The following PCDHA1 variants were observed in gnomAD, a reference collection of about 807,000 sequenced individuals.
The protein encoded by PCDHA1 is protocadherin alpha 1, also known as protocadherin alpha-1.
PCDHA1 carries 42 observed loss-of-function variants against 61.3 expected under a neutral mutation model. The ratio of observed to expected loss-of-function variants is 0.69; its 90% confidence interval spans 0.54 to 0.89. The LOEUF (loss-of-function observed/expected upper bound fraction) is 0.89, where lower values mean the gene tolerates loss of function less well. Among genes scored for constraint, PCDHA1 ranks in the 40% least tolerant of loss-of-function variants. PCDHA1 has a pLI of 0.00. For synonymous variants in PCDHA1, 610 were observed against 553.8 expected, an observed-to-expected ratio of 1.10 and a Z score of -1.43; for missense variants, 1,256 against 1,235.3, an observed-to-expected ratio of 1.02 and a Z score of -0.25.
chr5:140,807,783 C>T (rs782393420), intron 1 of PCDHA1: 10 of 1,614,144 alleles, frequency 6.2e-6, no homozygotes, highest in Non-Finnish European at 7.6e-6. Context: ...TTACGGAAAT[C>T]TTTAGACAGA....
chr5:140,967,391 C>T, intron 1 of PCDHA1: 1 of 1,609,676 alleles, frequency 6.2e-7, no homozygotes, highest in South Asian at 1.1e-5. Flanking sequence ...AGTGCTTGAG[C>T]TGGTGCTGCG....
At chr5:140,795,256 C>A (rs1336988369) in intron 1 of PCDHA1, 14 of 1,614,190 alleles carry the variant, frequency 8.7e-6, no homozygotes, top group Non-Finnish European at 1.2e-5. Context: ...GCTGTGCGGG[C>A]GGAGCGCGGA....
At chr5:140,960,186 G>A (rs2153724328) in intron 1 of PCDHA1, among the ~76,000 whole-genome samples, 1 of 152,260 alleles carries the variant, frequency 6.6e-6, no homozygotes, top group East Asian at 1.9e-4. Flanking sequence ...GGGGTTGCAT[G>A]TGTAGTGGTC....
intron 1 of PCDHA1, chr5:140,809,092 T>A: frequency 6.2e-7 from 1 of 1,613,942 alleles, no homozygotes; most frequent in South Asian, 1.1e-5. Flanking sequence ...GCACAACGCG[T>A]GCCCTGGACG....
At chr5:140,850,689 T>C in intron 1 of PCDHA1, 4 of 1,594,932 alleles carry the variant, frequency 2.5e-6, no homozygotes, top group South Asian at 1.1e-5. Flanking sequence ...CGAGGGCGAG[T>C]GCGCGCCTGG....
rs1322777523 is a variant in PCDHA1 at position 140,961,683 on chromosome 5, A to G, written c.2395-17266A>G. Among the ~76,000 whole-genome samples, 6 of 152,224 alleles carry G rather than the reference A, an allele frequency of 3.9e-5. No homozygotes were observed. The East Asian group carries it at 1.2e-3, about 29-fold the overall frequency. ...AGTTACCAGTTTTTAATTAAGCCGGAGTAGTCCTTAGTATGAATGCCTTCA... is the reference window on the plus strand; with the variant it reads ...AGTTACCAGTTTTTAATTAAGCCGGGGTAGTCCTTAGTATGAATGCCTTCA... On this transcript the variant is annotated intron_variant, in intron 1 of 3. Transcript: ENST00000504120.
intron 1 of PCDHA1, among the ~76,000 whole-genome samples, chr5:140,826,731 T>C (rs1236287706): frequency 6.6e-6 from 1 of 152,180 alleles, no homozygotes; most frequent in Non-Finnish European, 1.5e-5. Flanking sequence ...GAGCAAGTGG[T>C]CTATATTGTC....
intron 3 of PCDHA1, among the ~76,000 whole-genome samples, chr5:140,995,409 A>G (rs1056120944): frequency 2.6e-4 from 39 of 152,210 alleles, no homozygotes; most frequent in Admixed American, 6.5e-5. Flanking sequence ...TCGAGATTTC[A>G]TCACATTACT....
intron 1 of PCDHA1, among the ~76,000 whole-genome samples, chr5:140,941,274 C>T (rs1267060320): frequency 2.7e-3 from 120 of 44,772 alleles, no homozygotes; most frequent in African/African-American, 7.9e-3. Flanking sequence ...TCTTTCTTTC[C>T]TTCCTTCCTT....
chr5:140,969,418 TTAACAG>T (rs782375088), intron 1 of PCDHA1: 40 of 1,564,272 alleles, frequency 2.6e-5, no homozygotes, highest in Non-Finnish European at 3.4e-5. Context: ...TATTGAGTCA[TTAACAG>T]TGACAAGAGT....
At chr5:140,841,417 C>A (rs1242106171) in intron 1 of PCDHA1, 5 of 1,612,932 alleles carry the variant, frequency 3.1e-6, no homozygotes, top group Non-Finnish European at 4.2e-6. Flanking sequence ...GCCAGCTCCA[C>A]TACTCCGTCC....
intron 1 of PCDHA1, among the ~76,000 whole-genome samples, chr5:140,820,934 T>C (rs1766861378): frequency 6.6e-6 from 1 of 152,076 alleles, no homozygotes; most frequent in Non-Finnish European, 1.5e-5. Flanking sequence ...TCTAGAAAGC[T>C]GAAATATCCC....
At chr5:140,828,112 T>A (rs2150151121) in intron 1 of PCDHA1, 6 of 1,611,926 alleles carry the variant, frequency 3.7e-6, no homozygotes, top group Non-Finnish European at 5.1e-6. Context: ...CCCCGGAGGA[T>A]AGATTGGGAA....
At chr5:140,795,580 G>C in intron 1 of PCDHA1, 1 of 1,614,196 alleles carries the variant, frequency 6.2e-7, no homozygotes, top group Non-Finnish European at 8.5e-7. Context: ...AGAGGAAACT[G>C]CTGAGGTTAA....
rs564683374 is a variant in PCDHA1 at position 140,850,519 on chromosome 5, C to A, written c.2394+61835C>A. 1.1e-5 allele frequency: 17 copies of A among 1,598,126 alleles called. 1 individual carries two copies. Among genetic ancestry groups the A allele is most frequent in the Admixed American group, 1.7e-5 (1 of 59,294 alleles). On this transcript the variant is annotated intron_variant, in intron 1 of 3. Coordinates refer to ENST00000504120, the MANE Select transcript of PCDHA1 (RefSeq NM_018900.4). ...GTGTCGCTGGTGGAGAGCGGCCAGG[C>A]GCCAAAGTCATCGTCGCGGGCGTCA...
At chr5:140,876,972 C>T (rs374149249) in intron 1 of PCDHA1, 13 of 1,612,478 alleles carry the variant, frequency 8.1e-6, no homozygotes, top group Non-Finnish European at 1.1e-5. Context: ...GGCGGGTGGG[C>T]GAGCACGCAC....
chr5:140,850,559 C>A, intron 1 of PCDHA1: 3 of 1,598,268 alleles, frequency 1.9e-6, no homozygotes, highest in Non-Finnish European at 2.6e-6. Flanking sequence ...GTGCCACGGG[C>A]CCCGAGGTGA....
chr5:140,846,369 CTTTCTTTTT>C lies in PCDHA1; in HGVS notation c.2394+57689_2394+57697del, dbSNP rs1780378875. Among the ~76,000 whole-genome samples the C allele has an allele frequency of 1.9e-4, 19 of 102,176 alleles. 2 individuals are homozygous for C. In the South Asian group the frequency reaches 2.3e-3, roughly 12 times the overall value. The allele number at this position is 102,176 out of a possible 152,430, so 67.0% of individuals were successfully genotyped here. On this transcript the variant is annotated intron_variant, in intron 1 of 3. Transcript: ENST00000504120. ...TTCTCTTTTTTCTTTTCTTTTCTTT[CTTTCTTTTT>C]TTTTTTTTTTTTTTGAGACGGAGTC...
chr5:140,855,412 A>T (rs2043457321), intron 1 of PCDHA1, among the ~76,000 whole-genome samples: 1 of 149,990 alleles, frequency 6.7e-6, no homozygotes, highest in South Asian at 2.1e-4. Context: ...GAAGCTAATG[A>T]TCTCTAAATT....
Sources: gnomAD v4.1 joint callset for allele counts (sites outside exome capture counted in the v4.1 genomes callset) on GRCh38, gnomAD v4.1.1 for gene constraint, MANE v1.5 for transcripts, NCBI Gene and HGNC (gene_info 2026-07-23, HGNC 2026-07-21) for gene names.